ADAM22: variants seen among roughly 807,000 people sequenced by gnomAD.
ADAM22 encodes ADAM metallopeptidase domain 22.
Under a neutral mutation model 144.6 loss-of-function variants are expected in ADAM22, and 65 were observed. That is an observed-to-expected ratio of 0.45 (90% CI 0.37 to 0.55). ADAM22 has a LOEUF of 0.55. Among genes scored for constraint, ADAM22 ranks in the 20% least tolerant of loss-of-function variants. ADAM22 has a pLI of 0.00. For missense variants in ADAM22, 974 were observed against 1,184.9 expected, an observed-to-expected ratio of 0.82 and a Z score of 2.61; for synonymous variants, 391 against 412.6, an observed-to-expected ratio of 0.95 and a Z score of 0.63.
chr7:88,130,806 A>C (rs1246707589), intron 10 of ADAM22, among the ~76,000 whole-genome samples: 2 of 152,168 alleles, frequency 1.3e-5, no homozygotes, highest in East Asian at 3.8e-4. Flanking sequence ...GTGCTGTGGC[A>C]GTGATGGAAC....
intron 4 of ADAM22, among the ~76,000 whole-genome samples, chr7:88,086,779 CAG>C (rs1818552525): frequency 6.6e-6 from 1 of 152,192 alleles, no homozygotes; most frequent in South Asian, 2.1e-4. Context: ...GTAGTGGCAG[CAG>C]AGTCTCAGCC....
chr7:88,058,065 G>A (rs1808772435), intron 3 of ADAM22, among the ~76,000 whole-genome samples: 1 of 151,974 alleles, frequency 6.6e-6, no homozygotes, highest in Non-Finnish European at 1.5e-5. Flanking sequence ...TGATAGTGAG[G>A]GTATAATAAA....
intron 3 of ADAM22, among the ~76,000 whole-genome samples, chr7:88,064,722 G>A (rs888169971): frequency 6.6e-6 from 1 of 152,134 alleles, no homozygotes; most frequent in African/African-American, 2.4e-5. Context: ...GCACTAATCT[G>A]TTCTATGAGG....
intron 2 of ADAM22, among the ~76,000 whole-genome samples, chr7:87,963,039 G>T (rs117672926): frequency 6.6e-6 from 1 of 152,174 alleles, no homozygotes; most frequent in Non-Finnish European, 1.5e-5. Context: ...TTATTGTCTT[G>T]TAAGATAATA....
At chr7:88,183,836 A>G (rs1336307228) in intron 29 of ADAM22, among the ~76,000 whole-genome samples, 1 of 146,416 alleles carries the variant, frequency 6.8e-6, no homozygotes, top group Non-Finnish European at 1.5e-5. Flanking sequence ...ATATATACAT[A>G]TATATATATA....
At chr7:88,005,478 G>A (rs573509748) in intron 3 of ADAM22, among the ~76,000 whole-genome samples, 6 of 152,262 alleles carry the variant, frequency 3.9e-5, no homozygotes, top group African/African-American at 1.2e-4. Context: ...TAAGGCAGCA[G>A]CAAAGTGTTC....
chr7:88,043,718 A>G (rs1803770113), intron 3 of ADAM22, among the ~76,000 whole-genome samples: 1 of 152,096 alleles, frequency 6.6e-6, no homozygotes, highest in Admixed American at 6.6e-5. Context: ...AAAAAAAAAG[A>G]GAAGAAAATG....
At position 88,131,219 on chromosome 7, in the gene ADAM22, T is replaced by TTG. The variant is rs562509528; in HGVS notation, c.826-49_826-48dup. 67 of 1,523,240 alleles carry TTG rather than the reference T, an allele frequency of 4.4e-5. No individual in the cohort carries two copies. In the African/African-American group the frequency reaches 8.3e-4, roughly 19 times the overall value. 94.4% of individuals were successfully genotyped at this position (1,523,240 alleles called of 1,614,324 possible). A position where few individuals can be genotyped will look rare whatever the true frequency, so the allele number is the denominator to read the frequency against. On this transcript the variant is annotated intron_variant, in intron 10 of 31. Transcript: ENST00000413139. ...TTTTGTAGTCCTGTTCATAAACTAT[T>TTG]TGATTTTACCACATGTACAGCTGAT...
At chr7:88,194,489 C>T (rs1850273243) in intron 31 of ADAM22, among the ~76,000 whole-genome samples, 1 of 152,162 alleles carries the variant, frequency 6.6e-6, no homozygotes, top group South Asian at 2.1e-4. Context: ...TCTCTGTGGG[C>T]TGTGGAGAGT....
intron 3 of ADAM22, among the ~76,000 whole-genome samples, chr7:88,063,020 T>C (rs1810300312): frequency 6.6e-6 from 1 of 152,186 alleles, no homozygotes; most frequent in Non-Finnish European, 1.5e-5. Context: ...GGTAAATTAA[T>C]GAAAAGTTTT....
rs142947111 is a variant in ADAM22, at chr7:88,128,027, A to C, written c.679-575A>C. ...TCAAAGCTATTCTAACAAAGACCCC[A>C]TGTCATTTGGGGATCCCCTGAAACG... On this transcript the variant is annotated intron_variant, in intron 8 of 31. Transcript: ENST00000413139. Among the ~76,000 whole-genome samples, 30 of 152,066 alleles carry C rather than the reference A, an allele frequency of 2.0e-4. No individual in the cohort carries two copies. In the East Asian group the frequency reaches 5.8e-3, roughly 29 times the overall value.
intron 25 of ADAM22, among the ~76,000 whole-genome samples, chr7:88,169,586 GATA>G (rs1843767129): frequency 1.3e-5 from 2 of 152,214 alleles, no homozygotes; most frequent in South Asian, 4.1e-4. Context: ...CATGTTAGGT[GATA>G]ATAATAAGTT....
At chr7:88,090,916 T>C (rs961705968) in intron 4 of ADAM22, among the ~76,000 whole-genome samples, 1 of 152,182 alleles carries the variant, frequency 6.6e-6, no homozygotes, top group Non-Finnish European at 1.5e-5. Flanking sequence ...TTTTAAATAG[T>C]GAATTGTGTC....
intron 2 of ADAM22, among the ~76,000 whole-genome samples, chr7:87,962,284 C>T (rs570259245): frequency 6.6e-6 from 1 of 152,298 alleles, no homozygotes; most frequent in South Asian, 2.1e-4. Context: ...TTACAGTTTG[C>T]AAAATAACTT....
At chr7:87,958,646 A>G (rs1847356757) in intron 2 of ADAM22, among the ~76,000 whole-genome samples, 1 of 152,076 alleles carries the variant, frequency 6.6e-6, no homozygotes, top group Admixed American at 6.5e-5. Context: ...GGCCTCCCAA[A>G]GTGCTGGGAT....
At chr7:88,036,859 T>A (rs1359457395) in intron 3 of ADAM22, among the ~76,000 whole-genome samples, 1 of 152,090 alleles carries the variant, frequency 6.6e-6, no homozygotes, top group African/African-American at 2.4e-5. Context: ...AAGAAAACAG[T>A]TGGCTTTTCC....
intron 3 of ADAM22, among the ~76,000 whole-genome samples, chr7:88,039,464 A>AAAAAAAAAATATATATATAT: frequency 3.9e-5 from 3 of 76,376 alleles, no homozygotes; most frequent in African/African-American, 1.4e-4. Flanking sequence ...AAAAAAAAAA[A>AAAAAAAAAATATATATATAT]ATATATATAT....
chr7:88,034,725 G>A (rs944683118), intron 3 of ADAM22, among the ~76,000 whole-genome samples: 2 of 152,138 alleles, frequency 1.3e-5, no homozygotes, highest in Non-Finnish European at 2.9e-5. Flanking sequence ...TAGGATGGTC[G>A]ATTCCCCTTT....
intron 22 of ADAM22, 96 bp downstream of exon 22, chr7:88,156,102 T>C (rs1161079401): frequency 8.2e-6 from 11 of 1,340,568 alleles, no homozygotes; most frequent in Middle Eastern, 1.9e-4. Flanking sequence ...TACATGTTAG[T>C]AGGTCGAAAT....
Sources: allele counts gnomAD v4.1 joint callset (sites outside exome capture counted in the v4.1 genomes callset), GRCh38; gene constraint gnomAD v4.1.1; transcripts MANE v1.5; gene names NCBI Gene and HGNC (gene_info 2026-07-23, HGNC 2026-07-21).